The following RPS6KA3 variants were observed in gnomAD, a reference collection of about 807,000 sequenced individuals.
The protein encoded by RPS6KA3 is ribosomal protein S6 kinase alpha-3.
RPS6KA3 carries 4 observed loss-of-function variants against 67.2 expected under a neutral mutation model. The ratio of observed to expected loss-of-function variants is 0.06; its 90% CI spans 0.03 to 0.14. The LOEUF is 0.14. Ranked by LOEUF, RPS6KA3 falls within the 10% of genes least tolerant of loss-of-function variation. RPS6KA3 has a pLI of 1.00. For missense variants in RPS6KA3, 204 were observed against 559.0 expected (o/e 0.36, Z 6.40); for synonymous variants, 182 against 183.7 (o/e 0.99, Z 0.07).
chrX:20,237,125 G>A (rs1416429901), intron 1 of RPS6KA3, among the ~76,000 whole-genome samples: 1 of 111,784 alleles, frequency 8.9e-6, no homozygotes, highest in African/African-American at 3.2e-5. Flanking sequence ...CTGGCACTTA[G>A]TAAACAATCA....
chrX:20,214,830 TTTC>T (rs1443434248), intron 2 of RPS6KA3, among the ~76,000 whole-genome samples: 1 of 105,005 alleles, frequency 9.5e-6, no homozygotes, highest in Non-Finnish European at 1.9e-5. Flanking sequence ...TCCACTTTTT[TTTC>T]TTTTTTTCTT....
At chrX:20,166,690 T>G (rs1301407423) in intron 17 of RPS6KA3, among the ~76,000 whole-genome samples, 3 of 105,559 alleles carry the variant, frequency 2.8e-5, no homozygotes, top group Admixed American at 1.0e-4. Flanking sequence ...CCTCATTTTC[T>G]CCTTTCCTCC....
chrX:20,226,837 T>C lies in RPS6KA3; in HGVS notation c.126+7921A>G, dbSNP rs781384612. Among the ~76,000 whole-genome samples the C allele has an allele frequency of 7.9e-4, 88 of 111,703 alleles. 1 individual carries two copies. The highest frequency in any genetic ancestry group is 2.8e-3 in the African/African-American group (86 of 30,770). On this transcript the variant is annotated intron_variant, in intron 2 of 21. Coordinates refer to ENST00000379565, the MANE Select transcript of RPS6KA3 (RefSeq NM_004586.3). ...TCTCTTGATTCATCAATTTCAGATA[T>C]TACCTTTAGACACCCTATTACAGAT... is the stretch of plus-strand genomic sequence containing the variant.
intron 15 of RPS6KA3, among the ~76,000 whole-genome samples, chrX:20,169,942 C>T (rs2067531995): frequency 8.9e-6 from 1 of 112,358 alleles, no homozygotes; most frequent in South Asian, 3.7e-4. Flanking sequence ...ATTAAGTTTA[C>T]TTCCTTTAAT....
intron 16 of RPS6KA3, 145 bp from the exon 17 acceptor site, chrX:20,167,892 C>T (rs2067480398): frequency 8.6e-6 from 4 of 466,688 alleles, no homozygotes; most frequent in Non-Finnish European, 1.5e-5. Context: ...GACTCTGTCG[C>T]CCAGGAGTGC....
Position 20,175,293 on chromosome X carries a change from A to G in RPS6KA3, c.1103-5T>C. 8.3e-7 allele frequency: 1 copy of G among 1,208,942 alleles called. No individual in the cohort carries two copies. The highest frequency in any genetic ancestry group is 1.1e-6 in the Non-Finnish European group (1 of 893,003). On this transcript the variant is annotated splice_region_variant and splice_polypyrimidine_tract_variant and intron_variant, in intron 13 of 21. Coordinates refer to ENST00000379565, the MANE Select transcript of RPS6KA3 (RefSeq NM_004586.3). ...TAGGTGGAATGCCAGGTGAATCTGA[A>G]AAGAGTAAGAAGTGACAAAGAAGAT...
chrX:20,168,390 A>G (rs1024983695), intron 16 of RPS6KA3, among the ~76,000 whole-genome samples: 2 of 111,683 alleles, frequency 1.8e-5, no homozygotes, highest in Admixed American at 9.6e-5. Flanking sequence ...AAATTCAGAC[A>G]TAACAGCATG....
intron 4 of RPS6KA3, among the ~76,000 whole-genome samples, chrX:20,200,691 T>TA (rs1201453377): frequency 1.8e-5 from 2 of 111,503 alleles, no homozygotes; most frequent in Admixed American, 1.9e-4. Flanking sequence ...TTTTTCCTTA[T>TA]TAAAAAAAAT....
intron 18 of RPS6KA3, 142 bp downstream of exon 18, chrX:20,164,757 C>T (rs990180922): frequency 1.9e-6 from 1 of 522,760 alleles, no homozygotes; most frequent in African/African-American, 2.4e-5. Context: ...AAACATTAAA[C>T]AGGGAAATGA....
intron 6 of RPS6KA3, among the ~76,000 whole-genome samples, chrX:20,193,911 T>C (rs2068204804): frequency 8.9e-6 from 1 of 112,583 alleles, no homozygotes; most frequent in Non-Finnish European, 1.9e-5. Context: ...GCTTAATTTC[T>C]AGTACTAATT....
intron 1 of RPS6KA3, among the ~76,000 whole-genome samples, chrX:20,259,058 T>G (rs907536965): frequency 8.9e-6 from 1 of 112,075 alleles, no homozygotes; most frequent in Non-Finnish European, 1.9e-5. Context: ...TATTTATTAT[T>G]TGGTAATATG....
intron 1 of RPS6KA3, among the ~76,000 whole-genome samples, chrX:20,253,284 G>C (rs757932177): frequency 9.1e-6 from 1 of 110,373 alleles, no homozygotes; most frequent in Non-Finnish European, 1.9e-5. Flanking sequence ...AGGGTAGGGT[G>C]AGTATTGTCA....
intron 1 of RPS6KA3, among the ~76,000 whole-genome samples, chrX:20,236,946 T>C (rs769532002): frequency 1.8e-5 from 2 of 111,639 alleles, no homozygotes; most frequent in Middle Eastern, 4.6e-3. Context: ...GACATAGAGA[T>C]TCAAATTCCT....
intron 4 of RPS6KA3, chrX:20,203,706 C>T (rs758536538): frequency 5.3e-5 from 10 of 188,724 alleles, no homozygotes; most frequent in Admixed American, 2.1e-4. Context: ...TAAATCAGTA[C>T]GTTTTTAAAA....
chrX:20,224,381 T>C (rs2069059412), intron 2 of RPS6KA3, among the ~76,000 whole-genome samples: 1 of 111,064 alleles, frequency 9.0e-6, no homozygotes, highest in Non-Finnish European at 1.9e-5. Context: ...ACATAACACC[T>C]GTCTGGCAAA....
At chrX:20,247,494 G>GA (rs2069723934) in intron 1 of RPS6KA3, among the ~76,000 whole-genome samples, 1 of 109,397 alleles carries the variant, frequency 9.1e-6, no homozygotes, top group Non-Finnish European at 1.9e-5. Flanking sequence ...TTTTAAAAAC[G>GA]AAAAATCTGA....
chrX:20,256,257 AT>A (rs762117725), intron 1 of RPS6KA3, among the ~76,000 whole-genome samples: 1 of 109,235 alleles, frequency 9.2e-6, no homozygotes, highest in Non-Finnish European at 1.9e-5. Flanking sequence ...AAAAAAAAAA[AT>A]GATTGCATAA....
chrX:20,163,641 A>G (rs1001645518), intron 18 of RPS6KA3, among the ~76,000 whole-genome samples: 2 of 110,806 alleles, frequency 1.8e-5, no homozygotes, highest in Non-Finnish European at 3.8e-5. Flanking sequence ...GTTTGAGACC[A>G]ACCTGGGCAA....
At chrX:20,256,247 A>G (rs772545274) in intron 1 of RPS6KA3, among the ~76,000 whole-genome samples, 3 of 100,193 alleles carry the variant, frequency 3.0e-5, no homozygotes, top group South Asian at 4.2e-4. Flanking sequence ...ACAGTCTAAG[A>G]AAAAAAAAAA....
Sources: gnomAD v4.1 joint callset for allele counts (sites outside exome capture counted in the v4.1 genomes callset) on GRCh38, gnomAD v4.1.1 for gene constraint, MANE v1.5 for transcripts, NCBI Gene and HGNC (gene_info 2026-07-23, HGNC 2026-07-21) for gene names.